Variants in NWD1 observed in about 807,000 individuals in gnomAD.
NWD1 encodes NACHT domain- and WD repeat-containing protein 1.
A neutral mutation model predicts 135.1 loss-of-function variants in NWD1; 129 were observed. The ratio of observed to expected loss-of-function variants is 0.96; its 90% confidence interval spans 0.83 to 1.11. The LOEUF (loss-of-function observed/expected upper bound fraction) is 1.11. Ranked by LOEUF, NWD1 falls within the 50% of genes least tolerant of loss-of-function variation. NWD1 has a pLI of 0.00. For missense variants in NWD1, 1,740 were observed against 1,851.3 expected (o/e 0.94, Z 1.10); for synonymous variants, 773 against 786.0 (o/e 0.98, Z 0.28).
chr19:16,734,522 A>C (rs12977898), intron 3 of NWD1, among the ~76,000 whole-genome samples: 38,198 of 148,984 alleles, frequency 0.26, 6,195 homozygotes, highest in Middle Eastern at 0.45. Flanking sequence ...GTGATAGAGC[A>C]AGACTCCATC....
chr19:16,747,356 T>C (rs1204657182), intron 5 of NWD1, among the ~76,000 whole-genome samples: 4 of 148,232 alleles, frequency 2.7e-5, no homozygotes, highest in Middle Eastern at 7.2e-3. Flanking sequence ...TTTATTTATT[T>C]ATTTATTTAT....
At chr19:16,763,097 G>T (rs1969084137) in intron 8 of NWD1, among the ~76,000 whole-genome samples, 2 of 151,532 alleles carry the variant, frequency 1.3e-5, no homozygotes, top group African/African-American at 4.9e-5. Context: ...CTAGCCTGGT[G>T]CTGACCCTTC....
intron 5 of NWD1, among the ~76,000 whole-genome samples, chr19:16,748,195 G>C (rs1599458577): frequency 6.6e-6 from 1 of 152,036 alleles, no homozygotes; most frequent in South Asian, 2.1e-4. Context: ...TGTTGGCCAG[G>C]CTGGTCTCAA....
At chr19:16,764,760 C>T (rs537191403) in intron 9 of NWD1, among the ~76,000 whole-genome samples, 1 of 152,258 alleles carries the variant, frequency 6.6e-6, no homozygotes, top group South Asian at 2.1e-4. Context: ...GATTCTGCCC[C>T]CCCAGGGGAC....
intron 12 of NWD1, among the ~76,000 whole-genome samples, chr19:16,781,819 G>A (rs1339014402): frequency 1.3e-5 from 2 of 152,100 alleles, no homozygotes; most frequent in Middle Eastern, 3.4e-3. Flanking sequence ...TAGGCCAGGT[G>A]CAGTGGCTCA....
chr19:16,799,778 G>A (rs1970538491), intron 16 of NWD1, 108 bp from the exon 17 acceptor site: 2 of 1,013,316 alleles, frequency 2.0e-6, no homozygotes, highest in East Asian at 4.9e-5. Flanking sequence ...AAAGTGTTGG[G>A]ATTACAGGCG....
At chr19:16,763,346 C>T (rs1335982385) in intron 8 of NWD1, among the ~76,000 whole-genome samples, 4 of 152,102 alleles carry the variant, frequency 2.6e-5, no homozygotes, top group Non-Finnish European at 5.9e-5. Context: ...TGAGCCTGAC[C>T]TACCCAGCCT....
chr19:16,793,399 A>AATT (rs757118465), intron 14 of NWD1, among the ~76,000 whole-genome samples: 1 of 151,052 alleles, frequency 6.6e-6, no homozygotes, highest in Non-Finnish European at 1.5e-5. Context: ...ATGCCTGGCT[A>AATT]ATTATTATTA....
chr19:16,792,344 C>A (rs1252582538), intron 14 of NWD1, among the ~76,000 whole-genome samples: 2 of 151,870 alleles, frequency 1.3e-5, no homozygotes, highest in Non-Finnish European at 2.9e-5. Flanking sequence ...GAGTTCGAGA[C>A]CAGCCTGGCC....
rs199995129 is a variant in NWD1, at chr19:16,808,017, C to T, written c.4168C>T (p.Arg1390Ter). 9.0e-5 allele frequency: 146 copies of T among 1,614,002 alleles called. No homozygotes were observed. The highest frequency in any genetic ancestry group is 1.2e-4 in the Non-Finnish European group (139 of 1,180,028). Residue 1390 changes from arginine to a stop codon, truncating the protein, a stop_gained, in exon 18 of 19, where the codon CGA becomes TGA. Transcript: ENST00000524140. LOFTEE classifies it high-confidence loss of function. ...KAFPLETHRSRVACVEVSHKE... is the reference protein window; with the variant it reads ...KAFPLETHRS The stretch of plus-strand genomic sequence containing the variant: ...GTTTCCCTTGGAGACCCACAGGAGC[C>T]GAGTTGCCTGTGTGGAGGTCAGCCA...
chr19:16,741,104 G>A (rs112742394), intron 4 of NWD1, among the ~76,000 whole-genome samples: 7,404 of 152,186 alleles, frequency 0.049, 204 homozygotes, highest in Middle Eastern at 0.088. Flanking sequence ...AGGTTGCAGT[G>A]AGCCAAGATT....
intron 2 of NWD1, among the ~76,000 whole-genome samples, chr19:16,727,036 C>T (rs1304781214): frequency 2.0e-5 from 3 of 152,130 alleles, no homozygotes; most frequent in Admixed American, 1.3e-4. Flanking sequence ...GTGGGACTTT[C>T]GTCAAGCGGT....
intron 12 of NWD1, among the ~76,000 whole-genome samples, chr19:16,780,932 T>A (rs1247891625): frequency 6.6e-6 from 1 of 152,110 alleles, no homozygotes; most frequent in Non-Finnish European, 1.5e-5. Flanking sequence ...GTGCTGAGAT[T>A]ACAGGTGTGA....
chr19:16,807,552 A>G, intron 17 of NWD1, 34 bp from the exon 18 acceptor site: 1 of 1,484,070 alleles, frequency 6.7e-7, no homozygotes, highest in Non-Finnish European at 9.0e-7. Flanking sequence ...ATTCACTCTC[A>G]GTGTAAGTCA....
chr19:16,781,207 C>G (rs1484415189), intron 12 of NWD1, among the ~76,000 whole-genome samples: 2 of 152,124 alleles, frequency 1.3e-5, no homozygotes, highest in Non-Finnish European at 2.9e-5. Context: ...GGATGGAAAA[C>G]TATTCATTCT....
At chr19:16,810,599 C>G (rs1444787987) in intron 18 of NWD1, among the ~76,000 whole-genome samples, 1 of 151,936 alleles carries the variant, frequency 6.6e-6, no homozygotes, top group Non-Finnish European at 1.5e-5. Context: ...AAGATCCCAT[C>G]TCTAGAAAAA....
intron 8 of NWD1, among the ~76,000 whole-genome samples, chr19:16,763,179 C>T (rs1969086656): frequency 6.6e-6 from 1 of 152,010 alleles, no homozygotes; most frequent in South Asian, 2.1e-4. Context: ...CAGCTTCATC[C>T]TGCCTCTCCA....
Position 16,815,393 on chromosome 19 carries a change from T to C in NWD1, c.*354T>C, listed in dbSNP as rs1971041550. The C allele has an allele frequency of 1.6e-6, 1 of 640,184 alleles. No homozygotes were observed. Among genetic ancestry groups the C allele is most frequent in the Non-Finnish European group, 2.8e-6 (1 of 357,124 alleles). 39.7% of individuals were successfully genotyped at this position (640,184 alleles called of 1,614,324 possible). On this transcript the variant is annotated 3_prime_UTR_variant, in exon 19 of 19. Transcript: ENST00000524140. ...TCCAGTGAGTTAGCCCCATTTAATC[T>C]AGTTAAAGCAAAAAGAATACGTTTG...
chr19:16,787,916 C>A (rs199690393), intron 12 of NWD1, among the ~76,000 whole-genome samples: 19,037 of 119,264 alleles, frequency 0.16, 1,516 homozygotes, highest in East Asian at 0.31. Flanking sequence ...TCATCATCAT[C>A]ATCATCATCA....
Sources: gnomAD v4.1 joint callset for allele counts (sites outside exome capture counted in the v4.1 genomes callset) on GRCh38, gnomAD v4.1.1 for gene constraint, MANE v1.5 for transcripts, NCBI Gene and HGNC (gene_info 2026-07-23, HGNC 2026-07-21) for gene names.